CLIC5: variants seen among roughly 807,000 people sequenced by gnomAD.
The protein encoded by CLIC5 is CLIC family member 5.
CLIC5 carries 20 observed loss-of-function variants against 24.7 expected under a neutral mutation model. That is an observed-to-expected ratio of 0.81 (90% confidence interval 0.57 to 1.18). CLIC5 has a LOEUF of 1.18. Ranked by LOEUF, CLIC5 falls within the 50% of genes most tolerant of loss-of-function variation. The pLI is 0.00. For synonymous variants in CLIC5, 159 were observed against 135.6 expected (o/e 1.17, Z -1.20); for missense variants, 341 against 326.1 (o/e 1.05, Z -0.35).
intron 1 of CLIC5, among the ~76,000 whole-genome samples, chr6:46,063,596 T>C (rs1762355770): frequency 6.6e-6 from 1 of 152,142 alleles, no homozygotes; most frequent in African/African-American, 2.4e-5. Flanking sequence ...GGAGTCCCCT[T>C]GAATCTTTGA....
At chr6:46,037,297 C>G (rs1205926287) in intron 1 of CLIC5, among the ~76,000 whole-genome samples, 1 of 152,154 alleles carries the variant, frequency 6.6e-6, no homozygotes. Context: ...GAATGGCATG[C>G]TCAGTCAGCT....
chr6:46,113,387 A>T, the CLIC5 span, among the ~76,000 whole-genome samples: 4 of 152,172 alleles, frequency 2.6e-5, no homozygotes, highest in African/African-American at 9.7e-5. Context: ...GGGTGGCCTG[A>T]GGCATTGCTG....
At chr6:46,003,237 C>G (rs1050694686) in intron 1 of CLIC5, among the ~76,000 whole-genome samples, 22 of 152,138 alleles carry the variant, frequency 1.4e-4, no homozygotes, top group African/African-American at 5.3e-4. Flanking sequence ...TTTGAAAATG[C>G]AAAGACACCA....
At chr6:45,908,332 C>T (rs1762718119) in intron 5 of CLIC5, among the ~76,000 whole-genome samples, 1 of 151,924 alleles carries the variant, frequency 6.6e-6, no homozygotes, top group Non-Finnish European at 1.5e-5. Flanking sequence ...TTAGTTTGTT[C>T]CTGTTTTTCT....
intron 1 of CLIC5, among the ~76,000 whole-genome samples, chr6:46,054,674 T>C (rs559941086): frequency 1.2e-4 from 18 of 152,216 alleles, no homozygotes; most frequent in Non-Finnish European, 1.8e-4. Context: ...AATGAGGCCA[T>C]AGGGCGGGGG....
chr6:46,051,770 C>T (rs778030841), intron 1 of CLIC5, among the ~76,000 whole-genome samples: 1 of 152,046 alleles, frequency 6.6e-6, no homozygotes, highest in Non-Finnish European at 1.5e-5. Context: ...TCAAAACTAC[C>T]TCATAAAATA....
chr6:46,089,234 A>C, the CLIC5 span, among the ~76,000 whole-genome samples: 1 of 152,288 alleles, frequency 6.6e-6, no homozygotes, highest in South Asian at 2.1e-4. Context: ...AGGGAGAATG[A>C]ACTGCATATT....
At chr6:46,044,416 G>C (rs1236378382) in intron 1 of CLIC5, among the ~76,000 whole-genome samples, 1 of 152,162 alleles carries the variant, frequency 6.6e-6, no homozygotes, top group Non-Finnish European at 1.5e-5. Flanking sequence ...GGTGGCTTTG[G>C]AAAGAGATTT....
chr6:46,091,573 G>A, the CLIC5 span, among the ~76,000 whole-genome samples: 1 of 152,108 alleles, frequency 6.6e-6, no homozygotes, highest in Non-Finnish European at 1.5e-5. Context: ...TCTCTGCAAA[G>A]ATTAAAAAAT....
chr6:46,095,300 C>A, the CLIC5 span, among the ~76,000 whole-genome samples: 1 of 152,150 alleles, frequency 6.6e-6, no homozygotes, highest in Non-Finnish European at 1.5e-5. Context: ...CAAATTTCTG[C>A]AGCCTGCTTG....
chr6:46,117,918 G>A, the CLIC5 span, among the ~76,000 whole-genome samples: 2 of 152,148 alleles, frequency 1.3e-5, no homozygotes, highest in African/African-American at 2.4e-5. Flanking sequence ...AACAAAGGGT[G>A]TATTCTGGAT....
intron 5 of CLIC5, among the ~76,000 whole-genome samples, chr6:45,906,921 G>A (rs571803699): frequency 2.8e-4 from 43 of 152,174 alleles, no homozygotes; most frequent in Non-Finnish European, 5.7e-4. Context: ...GAAGCCTTCT[G>A]GTGAAGTCTT....
At chr6:45,984,939 A>C (rs963175093) in intron 1 of CLIC5, among the ~76,000 whole-genome samples, 1 of 152,200 alleles carries the variant, frequency 6.6e-6, no homozygotes, top group Non-Finnish European at 1.5e-5. Flanking sequence ...GCCATCCTTG[A>C]CGTCATAGCT....
chr6:45,929,029 G>A (rs377565972), intron 4 of CLIC5, among the ~76,000 whole-genome samples: 1 of 152,100 alleles, frequency 6.6e-6, no homozygotes, highest in Non-Finnish European at 1.5e-5. Context: ...ATGGAATGGT[G>A]TTGGTGGTCT....
intron 1 of CLIC5, among the ~76,000 whole-genome samples, chr6:46,054,847 G>C (rs1459366529): frequency 1.3e-5 from 2 of 152,208 alleles, no homozygotes. Context: ...CTTTTATCCA[G>C]AACCGTGAAA....
the CLIC5 span, among the ~76,000 whole-genome samples, chr6:46,109,086 TATTAC>T: frequency 2.8e-3 from 421 of 152,342 alleles, 2 homozygotes; most frequent in African/African-American, 9.4e-3. Flanking sequence ...TAATTATGAT[TATTAC>T]ATTAAATTGT....
chr6:46,013,525 T>C (rs995024256), intron 1 of CLIC5, among the ~76,000 whole-genome samples: 2 of 152,204 alleles, frequency 1.3e-5, no homozygotes, highest in Non-Finnish European at 2.9e-5. Flanking sequence ...CCCATCAATC[T>C]GGTTTTTGAG....
rs1766983294 is a variant in CLIC5 at position 46,015,805 on chromosome 6, T to G, written c.-263A>C. The G allele has an allele frequency of 1.7e-6, 2 of 1,192,528 alleles. No homozygotes were observed. The highest frequency in any genetic ancestry group is 2.1e-6 in the Non-Finnish European group (2 of 962,456). 73.9% of individuals were successfully genotyped at this position (1,192,528 alleles called of 1,614,324 possible). A position where few individuals can be genotyped will look rare whatever the true frequency, so the allele number is the denominator to read the frequency against. ...GGGTTAAGGGAATGACAACAGGTCG[T>G]GGGAGCAACAAGTGCCGGGCTGCCC... On this transcript the variant is annotated 5_prime_UTR_variant, in exon 1 of 6. Coordinates refer to ENST00000339561, the MANE Select transcript of CLIC5 (RefSeq NM_016929.5).
intron 5 of CLIC5, among the ~76,000 whole-genome samples, chr6:45,907,222 G>A (rs79816355): frequency 0.035 from 5,254 of 152,172 alleles, 319 homozygotes; most frequent in African/African-American, 0.12. Flanking sequence ...ATTTATTGAA[G>A]GTTTTTGTCA....
Sources: gnomAD v4.1 joint callset for allele counts (sites outside exome capture counted in the v4.1 genomes callset) on GRCh38, gnomAD v4.1.1 for gene constraint, MANE v1.5 for transcripts, NCBI Gene and HGNC (gene_info 2026-07-23, HGNC 2026-07-21) for gene names.